ST3GAL3: variants seen among roughly 807,000 people sequenced by gnomAD.
ST3GAL3 encodes the protein CMP-N-acetylneuraminate-beta-1,4-galactoside alpha-2,3-sialyltransferase.
Under a neutral mutation model 50.1 loss-of-function variants are expected in ST3GAL3, and 21 were observed. The observed-to-expected ratio is 0.42, with a 90% CI of 0.30 to 0.60. The LOEUF (loss-of-function observed/expected upper bound fraction) is 0.60. Among genes scored for constraint, ST3GAL3 ranks in the 20% least tolerant of loss-of-function variants. The pLI is 0.19. For missense variants in ST3GAL3, 353 were observed against 489.4 expected, an observed-to-expected ratio of 0.72 and a Z score of 2.63; for synonymous variants, 183 against 190.0, an observed-to-expected ratio of 0.96 and a Z score of 0.30.
intron 1 of ST3GAL3, among the ~76,000 whole-genome samples, chr1:43,722,085 TGGGATA>T: frequency 6.6e-6 from 1 of 152,286 alleles, no homozygotes; most frequent in South Asian, 2.1e-4. Flanking sequence ...CACAATGTAA[TGGGATA>T]GGGATATATG....
intron 3 of ST3GAL3, among the ~76,000 whole-genome samples, chr1:43,792,769 C>T (rs1200436597): frequency 6.6e-6 from 1 of 152,220 alleles, no homozygotes; most frequent in Non-Finnish European, 1.5e-5. Flanking sequence ...GAGCCTGGCT[C>T]TGCCATGTCT....
At chr1:43,817,377 TCTC>T (rs2061374207) in intron 4 of ST3GAL3, among the ~76,000 whole-genome samples, 2 of 86,502 alleles carry the variant, frequency 2.3e-5, no homozygotes, top group South Asian at 4.0e-4. Context: ...TTCTCCTTCT[TCTC>T]CTTCTTCTTC....
intron 3 of ST3GAL3, among the ~76,000 whole-genome samples, chr1:43,801,089 C>T (rs2059263889): frequency 6.6e-6 from 1 of 152,232 alleles, no homozygotes. Context: ...GCCTCATGGA[C>T]TATCCTGCCT....
intron 9 of ST3GAL3, among the ~76,000 whole-genome samples, chr1:43,915,573 GC>G: frequency 6.6e-6 from 1 of 152,238 alleles, no homozygotes; most frequent in East Asian, 1.9e-4. Context: ...GGTGGAGGGG[GC>G]GAGGAAAGAC....
chr1:43,788,915 G>A (rs12741964), intron 2 of ST3GAL3, among the ~76,000 whole-genome samples: 17,204 of 151,380 alleles, frequency 0.11, 1,292 homozygotes, highest in Non-Finnish European at 0.17. Context: ...GGTCAATTGA[G>A]TTGGTCTTAA....
intron 5 of ST3GAL3, among the ~76,000 whole-genome samples, chr1:43,885,435 C>T (rs752178804): frequency 3.3e-5 from 5 of 152,014 alleles, no homozygotes; most frequent in Admixed American, 6.5e-5. Context: ...GGCTGCCTCG[C>T]GTGCCGGGGT....
intron 4 of ST3GAL3, among the ~76,000 whole-genome samples, chr1:43,825,263 T>G (rs1349033274): frequency 6.6e-6 from 1 of 152,238 alleles, no homozygotes; most frequent in Non-Finnish European, 1.5e-5. Flanking sequence ...TACTTTCTTT[T>G]GATTCTAAAT....
chr1:43,907,183 C>T (rs768895688), intron 9 of ST3GAL3, among the ~76,000 whole-genome samples: 4 of 152,138 alleles, frequency 2.6e-5, no homozygotes, highest in Non-Finnish European at 5.9e-5. Flanking sequence ...CATTTTGGAC[C>T]GAAGGTGTTT....
intron 2 of ST3GAL3, 115 bp from the exon 3 acceptor site, chr1:43,791,987 C>T: frequency 7.8e-7 from 1 of 1,281,170 alleles, no homozygotes; most frequent in South Asian, 1.2e-5. Flanking sequence ...GGCTGTTCGA[C>T]TGAGTTCCCT....
intron 5 of ST3GAL3, among the ~76,000 whole-genome samples, chr1:43,890,805 G>C (rs961397377): frequency 2.0e-5 from 3 of 152,082 alleles, no homozygotes; most frequent in African/African-American, 7.2e-5. Flanking sequence ...GATCACTTGA[G>C]CCCAGGAGTT....
chr1:43,739,141 T>C (rs1679740942), intron 2 of ST3GAL3: 2 of 152,212 alleles, frequency 1.3e-5, no homozygotes, highest in Admixed American at 6.5e-5. Context: ...GCATTATTTT[T>C]CCTTAATGTT....
chr1:43,895,566 G>A lies in ST3GAL3; in HGVS notation c.397+1089G>A, dbSNP rs1296336159. ...AATACTACTACTGTGTAAAGTTGTT[G>A]TCAGAATTACATAAAATAACTGCTA... On this transcript the variant is annotated intron_variant, in intron 6 of 11. Coordinates refer to ENST00000347631, the MANE Select transcript of ST3GAL3 (RefSeq NM_006279.5). 2.6e-5 allele frequency among the ~76,000 whole-genome samples: 4 copies of A among 152,254 alleles called. No homozygotes were observed. The East Asian group carries it at 7.7e-4, about 29-fold the overall frequency.
chr1:43,898,257 G>C lies in ST3GAL3; in HGVS notation c.420G>C (p.Leu140Phe), dbSNP rs746489730. ...CAGACAATCTGATCAAAGCCATCTT[G>C]TCAGTCACCAAAGAGTACCGCCTGA... The part of the protein sequence containing the change: ...KGQDNLIKAI[L>F]SVTKEYRLTP... Residue 140 changes from leucine (L) to phenylalanine (F), a missense_variant, in exon 7 of 12, where the codon TTG (leucine) becomes TTC (phenylalanine). Physicochemically the swap from Leu to Phe is conservative, Grantham distance 22 (BLOSUM62 0). Transcript: ENST00000347631. 6.2e-7 allele frequency: 1 copy of C among 1,613,896 alleles called. No homozygotes were observed. Among genetic ancestry groups the C allele is most frequent in the East Asian group, 2.2e-5 (1 of 44,880 alleles).
chr1:43,860,108 G>A (rs527616766), intron 5 of ST3GAL3, among the ~76,000 whole-genome samples: 20 of 152,188 alleles, frequency 1.3e-4, no homozygotes, highest in South Asian at 2.1e-4. Flanking sequence ...CCCTGAGGGC[G>A]TATGCAAGGA....
chr1:43,842,178 A>C (rs1291905021), intron 5 of ST3GAL3: 1 of 152,220 alleles, frequency 6.6e-6, no homozygotes, highest in Non-Finnish European at 1.5e-5. Flanking sequence ...ACAACCATTT[A>C]ACCAGTCTCT....
intron 2 of ST3GAL3, among the ~76,000 whole-genome samples, chr1:43,765,385 G>T (rs112672540): frequency 0.01 from 1,597 of 152,240 alleles, 34 homozygotes; most frequent in African/African-American, 0.036. Context: ...TGCAGCGCAC[G>T]TTCCACAGAT....
chr1:43,747,561 ATTTTT>A (rs71579307), intron 2 of ST3GAL3, among the ~76,000 whole-genome samples: 1 of 90,594 alleles, frequency 1.1e-5, no homozygotes. Flanking sequence ...TAGCTCAGGG[ATTTTT>A]TTTTTTTTTT....
chr1:43,811,182 A>G (rs1412382343), intron 3 of ST3GAL3, among the ~76,000 whole-genome samples: 4 of 152,220 alleles, frequency 2.6e-5, no homozygotes, highest in African/African-American at 9.7e-5. Flanking sequence ...CTTGTGTAAC[A>G]GTCACAGCTT....
chr1:43,845,038 C>T (rs1349140941), intron 5 of ST3GAL3, among the ~76,000 whole-genome samples: 1 of 152,060 alleles, frequency 6.6e-6, no homozygotes, highest in African/African-American at 2.4e-5. Flanking sequence ...GGCTGGAGTA[C>T]AGTGGTGCAA....
Sources: allele counts gnomAD v4.1 joint callset (sites outside exome capture counted in the v4.1 genomes callset), GRCh38; gene constraint gnomAD v4.1.1; transcripts MANE v1.5; gene names NCBI Gene and HGNC (gene_info 2026-07-23, HGNC 2026-07-21).